Variants in SCTR observed in about 807,000 individuals in gnomAD.
The protein encoded by SCTR is secretin receptor.
Under a neutral mutation model 60.8 loss-of-function variants are expected in SCTR, and 56 were observed. That is an observed-to-expected ratio of 0.92 (90% CI 0.74 to 1.15). The LOEUF is 1.15. SCTR is among the 50% of genes most tolerant of loss of function. The pLI, the probability that SCTR is intolerant of heterozygous loss-of-function variation, is 0.00. For missense variants in SCTR, 562 were observed against 550.4 expected (o/e 1.02, Z -0.21); for synonymous variants, 202 against 217.0 (o/e 0.93, Z 0.61).
intron 9 of SCTR, among the ~76,000 whole-genome samples, chr2:119,449,975 G>A (rs1221696693): frequency 6.7e-5 from 8 of 119,170 alleles, no homozygotes; most frequent in African/African-American, 2.6e-4. Flanking sequence ...GAGGGAGGGA[G>A]GGAAGGAAGG....
chr2:119,523,973 A>G (rs1335215031), intron 1 of SCTR, among the ~76,000 whole-genome samples, 182 bp downstream of exon 1: 1 of 152,058 alleles, frequency 6.6e-6, no homozygotes, highest in Non-Finnish European at 1.5e-5. Context: ...TTTCTTTGGG[A>G]AAGGGTCCCT....
intron 2 of SCTR, among the ~76,000 whole-genome samples, chr2:119,485,611 G>A (rs931118064): frequency 1.2e-4 from 18 of 152,226 alleles, no homozygotes; most frequent in Admixed American, 1.2e-3. Flanking sequence ...GGCCCCCGGG[G>A]CCATGCTGAA....
At chr2:119,505,672 C>T (rs1678715847) in intron 1 of SCTR, among the ~76,000 whole-genome samples, 1 of 141,546 alleles carries the variant, frequency 7.1e-6, no homozygotes, top group South Asian at 2.2e-4. Context: ...CACATGGACA[C>T]AGGAAGGGGA....
chr2:119,442,419 C>T (rs1161113434), intron 11 of SCTR, among the ~76,000 whole-genome samples: 2 of 152,230 alleles, frequency 1.3e-5, no homozygotes, highest in African/African-American at 2.4e-5. Context: ...CCCTTACGGG[C>T]CTGCCCTCCC....
chr2:119,472,789 G>A (rs886488643), intron 4 of SCTR, among the ~76,000 whole-genome samples: 42 of 151,960 alleles, frequency 2.8e-4, no homozygotes, highest in African/African-American at 9.7e-4. Flanking sequence ...CTATAGGCAC[G>A]CACCACCACG....
intron 2 of SCTR, among the ~76,000 whole-genome samples, chr2:119,493,076 T>G (rs1326531014): frequency 1.3e-5 from 2 of 152,102 alleles, no homozygotes; most frequent in Non-Finnish European, 2.9e-5. Context: ...AGGCTGGTCT[T>G]GAACTCCCGA....
intron 4 of SCTR, among the ~76,000 whole-genome samples, chr2:119,472,541 C>G (rs553780683): frequency 6.6e-6 from 1 of 152,156 alleles, no homozygotes; most frequent in African/African-American, 2.4e-5. Context: ...AAAGGTCAGC[C>G]GATTGCCGAA....
At chr2:119,518,583 C>T (rs1679185222) in intron 1 of SCTR, among the ~76,000 whole-genome samples, 1 of 152,048 alleles carries the variant, frequency 6.6e-6, no homozygotes, top group African/African-American at 2.4e-5. Context: ...CTGGGTGGGC[C>T]CCAGGAGTCC....
At chr2:119,474,561 T>G (rs1573855987) in intron 3 of SCTR, among the ~76,000 whole-genome samples, 1 of 152,146 alleles carries the variant, frequency 6.6e-6, no homozygotes, top group African/African-American at 2.4e-5. Context: ...CCGAGTCCTG[T>G]GGGTAGGAGC....
At chr2:119,477,452 TG>T (rs1396531092) in intron 3 of SCTR, among the ~76,000 whole-genome samples, 4 of 152,036 alleles carry the variant, frequency 2.6e-5, no homozygotes, top group Non-Finnish European at 4.4e-5. Flanking sequence ...TTTGTTTGTT[TG>T]TTTGTTTGTT....
chr2:119,449,222 G>T (rs1381002072), intron 9 of SCTR, among the ~76,000 whole-genome samples: 2 of 152,184 alleles, frequency 1.3e-5, no homozygotes, highest in African/African-American at 4.8e-5. Flanking sequence ...AACCCCACAG[G>T]TTATGGTTCA....
chr2:119,520,626 C>G (rs1476362693), intron 1 of SCTR, among the ~76,000 whole-genome samples: 1 of 152,160 alleles, frequency 6.6e-6, no homozygotes, highest in Non-Finnish European at 1.5e-5. Context: ...TTCCATGTGC[C>G]AGAGCCTGTA....
intron 4 of SCTR, among the ~76,000 whole-genome samples, chr2:119,467,514 G>C (rs2104814700): frequency 6.6e-6 from 1 of 152,276 alleles, no homozygotes; most frequent in African/African-American, 2.4e-5. Context: ...CTCTGCAGGT[G>C]AGGGTATAGT....
At chr2:119,465,419 A>C (rs1683790363) in intron 5 of SCTR, among the ~76,000 whole-genome samples, 1 of 152,174 alleles carries the variant, frequency 6.6e-6, no homozygotes, top group Admixed American at 6.5e-5. Flanking sequence ...CTTGCCACTT[A>C]CATGGGTCAG....
chr2:119,514,881 GA>G (rs949281224), intron 1 of SCTR, among the ~76,000 whole-genome samples: 77 of 147,228 alleles, frequency 5.2e-4, no homozygotes, highest in African/African-American at 1.5e-3. Flanking sequence ...TGTCTCAAAA[GA>G]AAAAAAAAAT....
chr2:119,461,857 T>G lies in SCTR; in HGVS notation c.780A>C (p.Ala260=). The change falls in exon 7 of 13, where the codon GCA becomes GCC. Residue 260 remains alanine (A), a synonymous_variant. Coordinates refer to ENST00000019103, the MANE Select transcript of SCTR (RefSeq NM_002980.3). ...CAGGGAGAAACATACCCCATCCGAA[T>G]GCCACAAATCCCTGGAGGTACTTTC... ...SERKYLQGFV[A]FGWGSPAIFV... is the part of the protein sequence containing the mutation. 1 of 1,613,100 alleles carries G rather than the reference T, an allele frequency of 6.2e-7. No homozygotes were observed. Among genetic ancestry groups the G allele is most frequent in the East Asian group, 2.2e-5 (1 of 44,878 alleles).
intron 3 of SCTR, among the ~76,000 whole-genome samples, chr2:119,478,024 G>A (rs962283335): frequency 2.0e-5 from 3 of 152,212 alleles, no homozygotes; most frequent in Admixed American, 1.3e-4. Context: ...TCTCTGAACC[G>A]TGGTCATCTT....
chr2:119,462,133 GC>G, intron 6 of SCTR, 133 bp from the exon 7 acceptor site: 1 of 757,042 alleles, frequency 1.3e-6, no homozygotes, highest in Non-Finnish European at 2.0e-6. Context: ...GGGGTTCAAG[GC>G]CATCTTCTGT....
At chr2:119,459,331 G>A (rs1278135353) in intron 7 of SCTR, among the ~76,000 whole-genome samples, 1 of 152,068 alleles carries the variant, frequency 6.6e-6, no homozygotes, top group Non-Finnish European at 1.5e-5. Flanking sequence ...ACAGCTATGT[G>A]AGGAAAAACT....
Sources: allele counts gnomAD v4.1 joint callset (sites outside exome capture counted in the v4.1 genomes callset), GRCh38; gene constraint gnomAD v4.1.1; transcripts MANE v1.5; gene names NCBI Gene and HGNC (gene_info 2026-07-23, HGNC 2026-07-21).